Variants in FAM114A2 observed in about 807,000 individuals in gnomAD.
FAM114A2 encodes the protein family with sequence similarity 114 member A2.
A neutral mutation model predicts 58.4 loss-of-function variants in FAM114A2; 53 were observed. That is an observed-to-expected ratio of 0.91 (90% CI 0.73 to 1.14). FAM114A2 has a LOEUF of 1.14. FAM114A2 is among the 50% of genes most tolerant of loss of function. The pLI, the probability that FAM114A2 is intolerant of heterozygous loss-of-function variation, is 0.00. For missense variants in FAM114A2, 601 were observed against 581.1 expected (o/e 1.03, Z -0.35); for synonymous variants, 228 against 211.4 (o/e 1.08, Z -0.68).
At chr5:154,009,919 T>C (rs1770580647) in intron 9 of FAM114A2, among the ~76,000 whole-genome samples, 1 of 152,204 alleles carries the variant, frequency 6.6e-6, no homozygotes, top group South Asian at 2.1e-4. Flanking sequence ...GGAAAAAGTT[T>C]GGTATTATTG....
chr5:153,994,464 A>T (rs78199744), intron 13 of FAM114A2: 1,565 of 154,558 alleles, frequency 0.01, 40 homozygotes, highest in African/African-American at 0.035. Flanking sequence ...TGGAATGATG[A>T]GGATAATGTA....
chr5:154,001,096 T>C (rs1769938739), intron 11 of FAM114A2, among the ~76,000 whole-genome samples: 1 of 152,172 alleles, frequency 6.6e-6, no homozygotes. Context: ...AACATATCAG[T>C]GAACAAGAAA....
chr5:154,036,579 T>C (rs1332313134), intron 1 of FAM114A2: 1 of 152,158 alleles, frequency 6.6e-6, no homozygotes, highest in Non-Finnish European at 1.5e-5. Flanking sequence ...TAAGGCAGAC[T>C]GGATGCAGCA....
rs745738227 is a variant in FAM114A2 at position 154,034,265 on chromosome 5, CT to C, written c.310+12del. On this transcript the variant is annotated intron_variant, in intron 3 of 13. Transcript: ENST00000351797. The stretch of plus-strand genomic sequence containing the variant: ...TACACACACAAAAATAACTAAATGA[CT>C]GATGATCTTACCTACTGTAGCTACT... The C allele has an allele frequency of 1.2e-5, 18 of 1,479,210 alleles. No homozygotes were observed. Among genetic ancestry groups the C allele is most frequent in the Middle Eastern group, 1.8e-4 (1 of 5,698 alleles). 91.6% of individuals were successfully genotyped at this position (1,479,210 alleles called of 1,614,324 possible).
chr5:154,006,570 G>A lies in FAM114A2; in HGVS notation c.994-3601C>T, dbSNP rs558084239. Among the ~76,000 whole-genome samples, 57 of 152,242 alleles carry A rather than the reference G, an allele frequency of 3.7e-4. No individual in the cohort carries two copies. The South Asian group carries it at 5.4e-3, about 14-fold the overall frequency. On this transcript the variant is annotated intron_variant, in intron 9 of 13. Transcript: ENST00000351797. The stretch of plus-strand genomic sequence containing the variant: ...GAGTGTGACAGAAAATTAGGTTGGA[G>A]TAGTGAGGTTTACAGAAGAGAACAC...
intron 11 of FAM114A2, among the ~76,000 whole-genome samples, chr5:153,998,508 T>C (rs1434879114): frequency 2.0e-5 from 3 of 152,116 alleles, no homozygotes; most frequent in Admixed American, 1.3e-4. Flanking sequence ...AGAGAACACG[T>C]AGTTATAAAG....
At chr5:154,033,765 A>T in intron 4 of FAM114A2, 26 bp downstream of exon 4, 1 of 1,292,738 alleles carries the variant, frequency 7.7e-7, no homozygotes, top group Non-Finnish European at 1.1e-6. Flanking sequence ...TCATAATTCT[A>T]GGTCTTTATG....
At chr5:154,004,911 T>A (rs1197809848) in intron 9 of FAM114A2, among the ~76,000 whole-genome samples, 1 of 152,172 alleles carries the variant, frequency 6.6e-6, no homozygotes, top group South Asian at 2.1e-4. Flanking sequence ...GCTCTTTACA[T>A]GATGTAACAG....
At chr5:154,021,196 A>C (rs867070695) in intron 8 of FAM114A2, among the ~76,000 whole-genome samples, 1 of 152,234 alleles carries the variant, frequency 6.6e-6, no homozygotes, top group African/African-American at 2.4e-5. Flanking sequence ...TATCATACTG[A>C]ATGGGCAAAA....
rs553021294 is a variant in FAM114A2 at position 153,992,696 on chromosome 5, T to C, written c.*280A>G. On this transcript the variant is annotated 3_prime_UTR_variant, in exon 14 of 14. Coordinates refer to ENST00000351797, the MANE Select transcript of FAM114A2 (RefSeq NM_018691.4). ...TCAAAGAAAGACCAACATTTTTGCCTGAGTGTCCCACTAATCTTTATCTAG... is the reference window on the plus strand; with the variant it reads ...TCAAAGAAAGACCAACATTTTTGCCCGAGTGTCCCACTAATCTTTATCTAG... The C allele has an allele frequency of 9.1e-5, 22 of 241,686 alleles. No individual in the cohort carries two copies. The highest frequency in any genetic ancestry group is 4.0e-4 in the African/African-American group (18 of 44,876). 15.0% of individuals were successfully genotyped at this position (241,686 alleles called of 1,614,324 possible).
At chr5:154,007,534 C>G (rs562412919) in intron 9 of FAM114A2, among the ~76,000 whole-genome samples, 3 of 152,266 alleles carry the variant, frequency 2.0e-5, no homozygotes, top group African/African-American at 7.2e-5. Context: ...CATCTTAAGT[C>G]TCAATGCCTA....
At chr5:154,029,181 G>C (rs1396184273) in intron 5 of FAM114A2, among the ~76,000 whole-genome samples, 2 of 152,102 alleles carry the variant, frequency 1.3e-5, no homozygotes, top group Non-Finnish European at 2.9e-5. Context: ...TTGTAAAGTA[G>C]ACATTTTTTA....
At chr5:154,027,841 A>C (rs1771895972) in intron 6 of FAM114A2, among the ~76,000 whole-genome samples, 1 of 152,118 alleles carries the variant, frequency 6.6e-6, no homozygotes, top group South Asian at 2.1e-4. Context: ...CACCCAAGGA[A>C]CCAGGTGTTT....
intron 1 of FAM114A2, among the ~76,000 whole-genome samples, chr5:154,035,754 G>T (rs1317591132): frequency 1.3e-5 from 2 of 152,196 alleles, no homozygotes; most frequent in Non-Finnish European, 2.9e-5. Flanking sequence ...AGTTTTATGA[G>T]AAACTGCCAT....
chr5:154,033,659 CTAAA>C, intron 4 of FAM114A2, 128 bp downstream of exon 4: 1 of 591,716 alleles, frequency 1.7e-6, no homozygotes, highest in East Asian at 3.0e-5. Flanking sequence ...ACTAAAGATT[CTAAA>C]TACTCTTTCT....
Position 154,028,268 on chromosome 5 carries a change from T to G in FAM114A2, c.511A>C (p.Ser171Arg). ...AVQSTGKSVI[S>R]GGLDALEFIG... is the part of the protein sequence containing the mutation. ...AATTCTAAGGCATCCAAACCCCCAC[T>G]TATAACACTCTTTCCCTAGAAAATA... The change falls in exon 6 of 14, where the codon AGT becomes CGT. Residue 171 changes from serine to arginine, a missense_variant. Physicochemically the swap from Ser to Arg is moderately radical, Grantham distance 110 (BLOSUM62 -1). Transcript: ENST00000351797. 1 of 1,600,080 alleles carries G rather than the reference T, an allele frequency of 6.2e-7. No individual in the cohort carries two copies. Among genetic ancestry groups the G allele is most frequent in the South Asian group, 1.1e-5 (1 of 90,078 alleles).
At chr5:154,003,003 A>C (rs781363649) in intron 9 of FAM114A2, 34 bp from the exon 10 acceptor site, 8 of 1,608,872 alleles carry the variant, frequency 5.0e-6, no homozygotes, top group Non-Finnish European at 6.8e-6. Context: ...TCAACAATTC[A>C]ATTCAGTTTA....
At chr5:154,036,545 T>G (rs1368272406) in intron 1 of FAM114A2, among the ~76,000 whole-genome samples, 1 of 152,136 alleles carries the variant, frequency 6.6e-6, no homozygotes, top group East Asian at 1.9e-4. Context: ...TCTAATGTAT[T>G]AGAAAAGAAA....
intron 4 of FAM114A2, among the ~76,000 whole-genome samples, chr5:154,030,035 T>C (rs1414797591): frequency 6.6e-6 from 1 of 152,216 alleles, no homozygotes; most frequent in Non-Finnish European, 1.5e-5. Flanking sequence ...TATTGATCAT[T>C]CTATATAGAA....
Sources: allele counts gnomAD v4.1 joint callset (sites outside exome capture counted in the v4.1 genomes callset), GRCh38; gene constraint gnomAD v4.1.1; transcripts MANE v1.5; gene names NCBI Gene and HGNC (gene_info 2026-07-23, HGNC 2026-07-21).